BRINP3: variants seen among roughly 807,000 people sequenced by gnomAD.
The protein encoded by BRINP3 is BMP/retinoic acid inducible neural specific 3.
Under a neutral mutation model 71.0 loss-of-function variants are expected in BRINP3, and 19 were observed. The observed-to-expected ratio is 0.27, with a 90% confidence interval of 0.19 to 0.39. The LOEUF (loss-of-function observed/expected upper bound fraction) is 0.39, where lower values mean the gene tolerates loss of function less well. Ranked by LOEUF, BRINP3 falls within the 10% of genes least tolerant of loss-of-function variation. BRINP3 has a pLI of 1.00. For synonymous variants in BRINP3, 380 were observed against 337.7 expected (o/e 1.13, Z -1.37); for missense variants, 959 against 940.8 (o/e 1.02, Z -0.25).
chr1:190,146,990 C>T (rs1176112865), intron 7 of BRINP3, among the ~76,000 whole-genome samples: 1 of 151,932 alleles, frequency 6.6e-6, no homozygotes, highest in Non-Finnish European at 1.5e-5. Flanking sequence ...ATTTTTATTA[C>T]ATTTATTTTC....
intron 2 of BRINP3, among the ~76,000 whole-genome samples, chr1:190,412,046 C>T (rs1260183130): frequency 1.3e-5 from 2 of 151,972 alleles, no homozygotes; most frequent in South Asian, 4.1e-4. Context: ...ATGCTTCTCC[C>T]ATAGCCTACT....
At chr1:190,372,241 C>T (rs1232789607) in intron 2 of BRINP3, among the ~76,000 whole-genome samples, 1 of 152,136 alleles carries the variant, frequency 6.6e-6, no homozygotes, top group African/African-American at 2.4e-5. Context: ...GCCTGCATTG[C>T]CTCTGCAACC....
chr1:190,470,091 A>G lies in BRINP3; in HGVS notation c.-51+7357T>C, dbSNP rs189964452. ...ACTGAAAAATCTAAAATGCATGGTT[A>G]CTGAATTCTGGTCTTCCCAACTCTA... On this transcript the variant is annotated intron_variant, in intron 1 of 7. Transcript: ENST00000367462. Among the ~76,000 whole-genome samples the G allele has an allele frequency of 9.9e-4, 149 of 151,168 alleles. 1 individual carries two copies. In the East Asian group the frequency reaches 0.023, roughly 23 times the overall value.
intron 7 of BRINP3, among the ~76,000 whole-genome samples, chr1:190,113,317 T>A (rs538819555): frequency 6.6e-5 from 10 of 152,270 alleles, no homozygotes; most frequent in Non-Finnish European, 1.5e-4. Context: ...CTGCTGCTCC[T>A]CCTTCTTCTT....
chr1:190,420,251 A>T (rs1673285485), intron 2 of BRINP3, among the ~76,000 whole-genome samples: 1 of 151,966 alleles, frequency 6.6e-6, no homozygotes, highest in Non-Finnish European at 1.5e-5. Context: ...AATATATCAC[A>T]CTCACTAAAC....
chr1:190,139,075 A>G lies in BRINP3; in HGVS notation c.1184+21593T>C, dbSNP rs535631321. Among the ~76,000 whole-genome samples, 12 of 152,226 alleles carry G rather than the reference A, an allele frequency of 7.9e-5. 1 individual carries two copies. In the South Asian group the frequency reaches 2.5e-3, roughly 32 times the overall value. Reference sequence around the variant, plus strand: ...GTTGAACTTTGGATTTAGAAAGAATATACCTAAAAGTGCTTAGATTCCATT... The same window carrying G: ...GTTGAACTTTGGATTTAGAAAGAATGTACCTAAAAGTGCTTAGATTCCATT... On this transcript the variant is annotated intron_variant, in intron 7 of 7. Coordinates refer to ENST00000367462, the MANE Select transcript of BRINP3 (RefSeq NM_199051.3).
intron 2 of BRINP3, among the ~76,000 whole-genome samples, chr1:190,404,823 T>C (rs1571964668): frequency 6.6e-6 from 1 of 152,208 alleles, no homozygotes; most frequent in Admixed American, 6.5e-5. Flanking sequence ...GATTTTCTGC[T>C]TTCTCTCTCT....
intron 6 of BRINP3, among the ~76,000 whole-genome samples, chr1:190,188,234 T>C (rs1653714813): frequency 6.6e-6 from 1 of 152,182 alleles, no homozygotes; most frequent in East Asian, 1.9e-4. Context: ...TGCAACTTAA[T>C]CTTTTGTTTA....
intron 7 of BRINP3, among the ~76,000 whole-genome samples, chr1:190,141,689 T>C (rs972728012): frequency 6.6e-6 from 1 of 150,760 alleles, no homozygotes; most frequent in Non-Finnish European, 1.5e-5. Context: ...GCCTCCTAAG[T>C]AGCTGGGTTA....
chr1:190,249,740 G>C lies in BRINP3; in HGVS notation c.618+15125C>G, dbSNP rs567852318. On this transcript the variant is annotated intron_variant, in intron 4 of 7. Transcript: ENST00000367462. ...CCATTTTTGAGTTACGTGAAGGTGA[G>C]AGTACATTTTTCATGCACCTAGTTA... Among the ~76,000 whole-genome samples, 70 of 151,886 alleles carry C rather than the reference G, an allele frequency of 4.6e-4. 1 individual carries two copies. The highest frequency in any genetic ancestry group is 1.6e-3 in the African/African-American group (65 of 41,496).
At chr1:190,185,391 CAAT>C (rs1275065780) in intron 6 of BRINP3, among the ~76,000 whole-genome samples, 1 of 151,856 alleles carries the variant, frequency 6.6e-6, no homozygotes, top group Non-Finnish European at 1.5e-5. Flanking sequence ...ATCAAAACCA[CAAT>C]GAGATAACAT....
At chr1:190,292,485 C>T (rs994477581) in intron 2 of BRINP3, among the ~76,000 whole-genome samples, 1 of 151,730 alleles carries the variant, frequency 6.6e-6, no homozygotes, top group African/African-American at 2.4e-5. Context: ...TTGCTCTCTA[C>T]AAAAAAATAA....
At chr1:190,395,969 G>C (rs1204432267) in intron 2 of BRINP3, among the ~76,000 whole-genome samples, 1 of 147,986 alleles carries the variant, frequency 6.8e-6, no homozygotes, top group Admixed American at 6.7e-5. Flanking sequence ...AAGAGCAGAA[G>C]GAAAGAAGGA....
chr1:190,351,022 T>G (rs1668352098), intron 2 of BRINP3, among the ~76,000 whole-genome samples: 1 of 152,000 alleles, frequency 6.6e-6, no homozygotes, highest in African/African-American at 2.4e-5. Context: ...CAGGCTGGTC[T>G]CAAACTCCCG....
At chr1:190,143,453 C>G (rs1182081390) in intron 7 of BRINP3, among the ~76,000 whole-genome samples, 1 of 152,106 alleles carries the variant, frequency 6.6e-6, no homozygotes, top group Non-Finnish European at 1.5e-5. Context: ...CAGCCTTTTC[C>G]TAAGGGACAT....
At chr1:190,206,912 T>C (rs1484034661) in intron 6 of BRINP3, among the ~76,000 whole-genome samples, 2 of 150,738 alleles carry the variant, frequency 1.3e-5, no homozygotes, top group African/African-American at 4.9e-5. Flanking sequence ...GTAGAGGCAG[T>C]AGGCCTCCAG....
chr1:190,398,156 A>C (rs1056529872), intron 2 of BRINP3, among the ~76,000 whole-genome samples: 6 of 151,944 alleles, frequency 3.9e-5, no homozygotes, highest in East Asian at 3.9e-4. Flanking sequence ...AGGGTAGCTA[A>C]ATGATCCTAT....
chr1:190,122,994 G>A (rs1290770067), intron 7 of BRINP3, among the ~76,000 whole-genome samples: 3 of 151,772 alleles, frequency 2.0e-5, no homozygotes, highest in Admixed American at 6.6e-5. Context: ...GGGACAGACA[G>A]TTGCAACCAG....
chr1:190,457,642 G>A (rs1676090844), intron 1 of BRINP3, among the ~76,000 whole-genome samples: 1 of 152,108 alleles, frequency 6.6e-6, no homozygotes, highest in African/African-American at 2.4e-5. Context: ...CTACCATATG[G>A]TAAGGACATG....
Sources: allele counts gnomAD v4.1 joint callset (sites outside exome capture counted in the v4.1 genomes callset), GRCh38; gene constraint gnomAD v4.1.1; transcripts MANE v1.5; gene names NCBI Gene and HGNC (gene_info 2026-07-23, HGNC 2026-07-21).